The following STXBP5L variants were observed in gnomAD, a reference collection of about 807,000 sequenced individuals.
STXBP5L encodes the protein syntaxin binding protein 5L, also known as syntaxin-binding protein 5-like.
A neutral mutation model predicts 144.5 loss-of-function variants in STXBP5L; 65 were observed. The ratio of observed to expected loss-of-function variants is 0.45; its 90% CI spans 0.37 to 0.55. The LOEUF (loss-of-function observed/expected upper bound fraction) is 0.55, where lower values mean the gene tolerates loss of function less well. STXBP5L is among the 20% of genes least tolerant of loss of function. STXBP5L has a pLI of 0.00. For synonymous variants in STXBP5L, 505 were observed against 469.6 expected, an observed-to-expected ratio of 1.08 and a Z score of -0.97; for missense variants, 1,298 against 1,405.5, an observed-to-expected ratio of 0.92 and a Z score of 1.22.
chr3:121,062,218 C>T (rs1401730273), intron 5 of STXBP5L, among the ~76,000 whole-genome samples: 2 of 152,150 alleles, frequency 1.3e-5, no homozygotes, highest in South Asian at 2.1e-4. Context: ...ATTTGCTTGT[C>T]TGTAAAGGAT....
chr3:121,042,757 C>G (rs1947248248), intron 4 of STXBP5L, among the ~76,000 whole-genome samples: 1 of 152,178 alleles, frequency 6.6e-6, no homozygotes, highest in Admixed American at 6.6e-5. Context: ...GGCTCAAAGT[C>G]TTTCTCAGAG....
At chr3:121,384,873 C>T (rs1457183126) in intron 22 of STXBP5L, among the ~76,000 whole-genome samples, 1 of 152,000 alleles carries the variant, frequency 6.6e-6, no homozygotes, top group Non-Finnish European at 1.5e-5. Flanking sequence ...GAATTTTACT[C>T]TCCACTAGCA....
intron 20 of STXBP5L, among the ~76,000 whole-genome samples, chr3:121,339,521 T>A (rs1287572443): frequency 1.3e-5 from 2 of 152,046 alleles, no homozygotes; most frequent in African/African-American, 4.8e-5. Flanking sequence ...GATGCCCACT[T>A]TTACCACTTC....
At chr3:121,207,592 G>A (rs1043817183) in intron 10 of STXBP5L, among the ~76,000 whole-genome samples, 2 of 152,036 alleles carry the variant, frequency 1.3e-5, no homozygotes, top group African/African-American at 4.8e-5. Context: ...ATCTGACAAA[G>A]GGCTAATATC....
intron 3 of STXBP5L, among the ~76,000 whole-genome samples, chr3:121,027,647 TG>T (rs1164852520): frequency 6.6e-6 from 1 of 152,118 alleles, no homozygotes; most frequent in Non-Finnish European, 1.5e-5. Context: ...TTTTTTTGTT[TG>T]TTTTTTTCAC....
intron 3 of STXBP5L, among the ~76,000 whole-genome samples, chr3:120,992,044 A>G (rs755921984): frequency 6.6e-6 from 1 of 152,174 alleles, no homozygotes; most frequent in Admixed American, 6.6e-5. Context: ...TTTGCTTTAA[A>G]TTGACCTATG....
intron 3 of STXBP5L, among the ~76,000 whole-genome samples, chr3:121,007,050 G>A (rs1338940644): frequency 1.3e-5 from 2 of 152,088 alleles, no homozygotes; most frequent in African/African-American, 2.4e-5. Flanking sequence ...TTCTTGAGGA[G>A]TATCTTTGTG....
At chr3:121,311,061 AAAAT>A (rs777192350) in intron 19 of STXBP5L, among the ~76,000 whole-genome samples, 5 of 152,260 alleles carry the variant, frequency 3.3e-5, no homozygotes, top group Non-Finnish European at 7.3e-5. Flanking sequence ...TCCAACATAA[AAAAT>A]AAGCCAGAAA....
At chr3:121,132,567 C>T (rs1208669197) in intron 7 of STXBP5L, among the ~76,000 whole-genome samples, 1 of 152,124 alleles carries the variant, frequency 6.6e-6, no homozygotes, top group Non-Finnish European at 1.5e-5. Context: ...GAGAGAGATG[C>T]CTGCTTTGCC....
At chr3:121,357,060 G>T in intron 20 of STXBP5L, 2 of 191,326 alleles carry the variant, frequency 1.0e-5, no homozygotes, top group Non-Finnish European at 2.3e-5. Context: ...TACCCAAATT[G>T]CCCTTGGCCT....
intron 19 of STXBP5L, among the ~76,000 whole-genome samples, chr3:121,297,733 G>A (rs528631888): frequency 1.6e-4 from 25 of 152,292 alleles, no homozygotes; most frequent in South Asian, 4.1e-4. Flanking sequence ...CAGCCTGCGC[G>A]ACAGAGTGAG....
At chr3:121,243,686 C>G (rs558849542) in intron 14 of STXBP5L, among the ~76,000 whole-genome samples, 1 of 152,070 alleles carries the variant, frequency 6.6e-6, no homozygotes, top group South Asian at 2.1e-4. Flanking sequence ...ATTGTTGTAT[C>G]ACTCTAGTAT....
At chr3:121,163,233 A>C (rs900914442) in intron 9 of STXBP5L, among the ~76,000 whole-genome samples, 4 of 152,218 alleles carry the variant, frequency 2.6e-5, no homozygotes, top group Non-Finnish European at 5.9e-5. Flanking sequence ...GTGGAATACT[A>C]TGCAGCCATA....
At chr3:120,957,703 A>T (rs1349845382) in intron 3 of STXBP5L, among the ~76,000 whole-genome samples, 1 of 152,170 alleles carries the variant, frequency 6.6e-6, no homozygotes, top group Non-Finnish European at 1.5e-5. Flanking sequence ...ATGTTCTTTG[A>T]AACCAACGAG....
intron 19 of STXBP5L, among the ~76,000 whole-genome samples, chr3:121,305,846 A>G (rs139268865): frequency 6.6e-6 from 1 of 152,290 alleles, no homozygotes; most frequent in East Asian, 1.9e-4. Flanking sequence ...AAAATTTAAA[A>G]CTGTCTTTAC....
At chr3:121,097,715 G>A (rs1180582368) in intron 5 of STXBP5L, among the ~76,000 whole-genome samples, 1 of 152,110 alleles carries the variant, frequency 6.6e-6, no homozygotes, top group Admixed American at 6.5e-5. Flanking sequence ...CCCACCTTCT[G>A]TGTCGATCTC....
chr3:121,058,676 C>T lies in STXBP5L; in HGVS notation c.470+13141C>T, dbSNP rs777600192. ...TTTTAATCATAGCCATTCTAACTGG[C>T]GTGAGATGGTATCTCATTGTGGTTT... On this transcript the variant is annotated intron_variant, in intron 5 of 26. Coordinates refer to ENST00000471454, the MANE Select transcript of STXBP5L (RefSeq NM_001308330.2). Among the ~76,000 whole-genome samples the T allele has an allele frequency of 7.2e-5, 11 of 152,066 alleles. 1 individual carries two copies. The highest frequency in any genetic ancestry group is 1.9e-4 in the East Asian group (1 of 5,194).
At chr3:121,360,010 A>AATATAATAT (rs1336154195) in intron 20 of STXBP5L, among the ~76,000 whole-genome samples, 1 of 143,304 alleles carries the variant, frequency 7.0e-6, no homozygotes, top group African/African-American at 2.6e-5. Context: ...ATTACTATAT[A>AATATAATAT]ATATAATATA....
chr3:121,085,521 A>G (rs528565357), intron 5 of STXBP5L, among the ~76,000 whole-genome samples: 4 of 152,324 alleles, frequency 2.6e-5, no homozygotes, highest in South Asian at 2.1e-4. Context: ...AGGGATTCAT[A>G]TACACCAACA....
Sources: gnomAD v4.1 joint callset for allele counts (sites outside exome capture counted in the v4.1 genomes callset) on GRCh38, gnomAD v4.1.1 for gene constraint, MANE v1.5 for transcripts, NCBI Gene and HGNC (gene_info 2026-07-23, HGNC 2026-07-21) for gene names.